The following FNBP1L variants were observed in gnomAD, a reference collection of about 807,000 sequenced individuals.
FNBP1L encodes formin-binding protein 1-like.
FNBP1L carries 36 observed loss-of-function variants against 91.2 expected under a neutral mutation model. The observed-to-expected ratio is 0.39, with a 90% confidence interval of 0.30 to 0.52. The LOEUF (loss-of-function observed/expected upper bound fraction) is 0.52, where lower values mean the gene tolerates loss of function less well. Ranked by LOEUF, FNBP1L falls within the 20% of genes least tolerant of loss-of-function variation. The pLI, the probability that FNBP1L is intolerant of heterozygous loss-of-function variation, is 0.66. For missense variants in FNBP1L, 571 were observed against 732.1 expected, an observed-to-expected ratio of 0.78 and a Z score of 2.54; for synonymous variants, 242 against 237.0, an observed-to-expected ratio of 1.02 and a Z score of -0.19.
At chr1:93,495,015 G>A (rs977601277) in intron 1 of FNBP1L, among the ~76,000 whole-genome samples, 1 of 152,168 alleles carries the variant, frequency 6.6e-6, no homozygotes, top group African/African-American at 2.4e-5. Flanking sequence ...GACATGTGGG[G>A]ATTATTACAA....
At position 93,550,576 on chromosome 1, in the gene FNBP1L, T is replaced by G. The variant is rs1672376322; in HGVS notation, c.1652-371T>G. 2.0e-5 allele frequency among the ~76,000 whole-genome samples: 3 copies of G among 152,200 alleles called. No homozygotes were observed. The South Asian group carries it at 6.2e-4, about 31-fold the overall frequency. ...CTGCTCTTTTGCTATCTGGTTACTG[T>G]TTTCCTAATCCATACCTGCTGAATT... On this transcript the variant is annotated intron_variant, in intron 15 of 16. Transcript: ENST00000271234.
At chr1:93,486,088 G>C (rs571710402) in intron 1 of FNBP1L, among the ~76,000 whole-genome samples, 1 of 152,312 alleles carries the variant, frequency 6.6e-6, no homozygotes, top group African/African-American at 2.4e-5. Context: ...CAGAGATCAA[G>C]TGCTAGTAAA....
intron 9 of FNBP1L, 131 bp from the exon 10 acceptor site, chr1:93,536,201 C>T: frequency 1.7e-6 from 1 of 584,226 alleles, no homozygotes; most frequent in South Asian, 7.0e-5. Context: ...TTTACTTTCT[C>T]ATAATATTTT....
intron 1 of FNBP1L, among the ~76,000 whole-genome samples, chr1:93,468,912 G>T (rs948435572): frequency 6.6e-6 from 1 of 152,012 alleles, no homozygotes; most frequent in Non-Finnish European, 1.5e-5. Context: ...CCTTGCCAAC[G>T]GTTGATATCA....
intron 1 of FNBP1L, among the ~76,000 whole-genome samples, chr1:93,448,647 G>C (rs1325540651): frequency 1.3e-5 from 2 of 152,104 alleles, no homozygotes; most frequent in Non-Finnish European, 2.9e-5. Flanking sequence ...GCCTGGCTTC[G>C]CGCCCGGCGG....
intron 1 of FNBP1L, among the ~76,000 whole-genome samples, chr1:93,482,111 G>A (rs981457834): frequency 2.6e-5 from 4 of 152,102 alleles, no homozygotes; most frequent in African/African-American, 9.7e-5. Flanking sequence ...GCAGTGAGCC[G>A]TGATCACATC....
intron 14 of FNBP1L, 55 bp downstream of exon 14, chr1:93,547,496 T>G: frequency 7.1e-7 from 1 of 1,418,372 alleles, no homozygotes; most frequent in Non-Finnish European, 9.7e-7. Flanking sequence ...CTCACCCTTT[T>G]GTCCTAAACT....
chr1:93,507,138 CTCTCTCTCTCTCTT>C (rs1361949915), intron 2 of FNBP1L, among the ~76,000 whole-genome samples: 2 of 148,114 alleles, frequency 1.4e-5, no homozygotes, highest in East Asian at 2.1e-4. Flanking sequence ...CTCTCTCTCT[CTCTCTCTCTCTCTT>C]TCTCTCCGTC....
chr1:93,518,362 C>T (rs569737756), intron 2 of FNBP1L, among the ~76,000 whole-genome samples: 1 of 152,318 alleles, frequency 6.6e-6, no homozygotes, highest in South Asian at 2.1e-4. Flanking sequence ...TGTCCTCCCA[C>T]ATCTGTATAC....
rs539401045 is a variant in FNBP1L at position 93,530,865 on chromosome 1, G to A, written c.621G>A (p.Val207=). 1 of 1,538,710 alleles carries A rather than the reference G, an allele frequency of 6.5e-7. No homozygotes were observed. ...AACAACATAAACATTTTTATGTAGT[G>A]ATTCCTCAGATTTACAAGGTAAATC... ...NGEQHKHFYV[V]IPQIYKQLQE... is the part of the protein sequence containing the mutation. Residue 207 remains valine (V), a synonymous_variant, in exon 7 of 17, where the codon GTG becomes GTA. Transcript: ENST00000271234.
intron 10 of FNBP1L, among the ~76,000 whole-genome samples, chr1:93,540,527 C>T (rs910904076): frequency 2.0e-5 from 3 of 151,916 alleles, no homozygotes; most frequent in African/African-American, 4.8e-5. Context: ...AAAAATGTTA[C>T]CCTCATCTAA....
intron 1 of FNBP1L, among the ~76,000 whole-genome samples, chr1:93,495,360 T>G (rs1670227644): frequency 6.6e-6 from 1 of 152,216 alleles, no homozygotes; most frequent in African/African-American, 2.4e-5. Context: ...TTGAGAAAGA[T>G]TTATTCTTAA....
At chr1:93,456,004 A>T (rs1453556024) in intron 1 of FNBP1L, among the ~76,000 whole-genome samples, 4 of 152,178 alleles carry the variant, frequency 2.6e-5, no homozygotes, top group Non-Finnish European at 4.4e-5. Flanking sequence ...ATGGGGGTAC[A>T]CCCCTCTAGT....
At chr1:93,550,889 T>G (rs887616978) in intron 15 of FNBP1L, 58 bp from the exon 16 acceptor site, 5 of 1,437,032 alleles carry the variant, frequency 3.5e-6, no homozygotes. Flanking sequence ...ATTGTATTAG[T>G]AACTTTAAAA....
intron 9 of FNBP1L, among the ~76,000 whole-genome samples, 161 bp downstream of exon 9, chr1:93,535,069 AAC>A (rs762328668): frequency 5.3e-5 from 8 of 152,194 alleles, no homozygotes; most frequent in East Asian, 3.8e-4. Context: ...CCTTAACAGT[AAC>A]AGTTATTTAT....
At chr1:93,489,211 G>A (rs1465390176) in intron 1 of FNBP1L, among the ~76,000 whole-genome samples, 1 of 152,126 alleles carries the variant, frequency 6.6e-6, no homozygotes, top group Non-Finnish European at 1.5e-5. Flanking sequence ...AGGACAGTGA[G>A]TATATTTGGA....
intron 1 of FNBP1L, among the ~76,000 whole-genome samples, chr1:93,468,709 G>A (rs1454907856): frequency 1.3e-5 from 2 of 152,154 alleles, no homozygotes; most frequent in Non-Finnish European, 2.9e-5. Context: ...AGGATTACAG[G>A]TGTAAGCCAC....
intron 1 of FNBP1L, among the ~76,000 whole-genome samples, chr1:93,459,136 G>A (rs1668772626): frequency 6.6e-6 from 1 of 152,168 alleles, no homozygotes; most frequent in African/African-American, 2.4e-5. Flanking sequence ...TTAGCCAGGT[G>A]TGGTGGCATG....
chr1:93,529,610 T>G, intron 5 of FNBP1L, 42 bp from the exon 6 acceptor site: 1 of 1,193,032 alleles, frequency 8.4e-7, no homozygotes, highest in South Asian at 1.6e-5. Context: ...GAAGTTAGCC[T>G]GATTTTATTT....
Sources: allele counts gnomAD v4.1 joint callset (sites outside exome capture counted in the v4.1 genomes callset), GRCh38; gene constraint gnomAD v4.1.1; transcripts MANE v1.5; gene names NCBI Gene and HGNC (gene_info 2026-07-23, HGNC 2026-07-21).